Variants in PREPL observed in about 807,000 individuals in gnomAD.
The protein encoded by PREPL is prolyl endopeptidase like.
PREPL carries 77 observed loss-of-function variants against 70.6 expected under a neutral mutation model. The observed-to-expected ratio is 1.09, with a 90% CI of 0.91 to 1.32. The LOEUF is 1.32. PREPL is among the 40% of genes most tolerant of loss of function. The pLI, the probability that PREPL is intolerant of heterozygous loss-of-function variation, is 0.00. For synonymous variants in PREPL, 315 were observed against 264.8 expected, an observed-to-expected ratio of 1.19 and a Z score of -1.84; for missense variants, 1,002 against 778.2, an observed-to-expected ratio of 1.29 and a Z score of -3.42.
intron 1 of PREPL, among the ~76,000 whole-genome samples, chr2:44,350,364 T>TG (rs1676284578): frequency 6.6e-6 from 1 of 151,744 alleles, no homozygotes; most frequent in South Asian, 2.1e-4. Flanking sequence ...TTTTGATAAA[T>TG]GCAGGGAAAA....
intron 8 of PREPL, among the ~76,000 whole-genome samples, chr2:44,329,934 A>G (rs1028216517): frequency 6.6e-6 from 1 of 152,230 alleles, no homozygotes; most frequent in South Asian, 2.1e-4. Context: ...CGTTTACATA[A>G]AGAAAATAAA....
At chr2:44,346,432 G>GA (rs757835997) in intron 1 of PREPL, 42 bp from the exon 2 acceptor site, 17 of 1,587,128 alleles carry the variant, frequency 1.1e-5, no homozygotes, top group Admixed American at 1.8e-5. Flanking sequence ...TCAAACTAGG[G>GA]AAAAAAAACT....
At chr2:44,321,727 G>A (rs1409026494) in intron 13 of PREPL, 100 bp downstream of exon 13, 6 of 1,603,764 alleles carry the variant, frequency 3.7e-6, no homozygotes, top group African/African-American at 1.3e-5. Context: ...GGACATTTGT[G>A]AAGTGGCTTT....
At chr2:44,324,960 T>C (rs1673346920) in intron 10 of PREPL, among the ~76,000 whole-genome samples, 1 of 152,182 alleles carries the variant, frequency 6.6e-6, no homozygotes, top group South Asian at 2.1e-4. Flanking sequence ...GAAGGCTGTA[T>C]TTTTCACTTA....
chr2:44,346,496 A>C lies in PREPL; in HGVS notation c.-48-106T>G, dbSNP rs891916457. Reference sequence around the variant, plus strand: ...ACCGTAGACTTAACGTTGTACAAAAAAGAAATAAGATTAAATAGTAGGTAT... The same window carrying C: ...ACCGTAGACTTAACGTTGTACAAAACAGAAATAAGATTAAATAGTAGGTAT... On this transcript the variant is annotated intron_variant, in intron 1 of 13. Coordinates refer to ENST00000409411, the MANE Select transcript of PREPL (RefSeq NM_001171613.2). The C allele has an allele frequency of 7.1e-5, 70 of 991,720 alleles. 1 individual carries two copies. Among genetic ancestry groups the C allele is most frequent in the Non-Finnish European group, 1.0e-4 (66 of 660,750 alleles). 61.4% of individuals were successfully genotyped at this position (991,720 alleles called of 1,614,324 possible).
At chr2:44,345,123 A>G (rs1449642486) in intron 2 of PREPL, among the ~76,000 whole-genome samples, 2 of 152,220 alleles carry the variant, frequency 1.3e-5, no homozygotes, top group African/African-American at 4.8e-5. Flanking sequence ...TTTGAAATTG[A>G]GAGAATTAAT....
chr2:44,340,564 T>C (rs1318407762), intron 5 of PREPL, among the ~76,000 whole-genome samples: 1 of 152,178 alleles, frequency 6.6e-6, no homozygotes, highest in Admixed American at 6.5e-5. Context: ...TTATTTCTTT[T>C]GTGAAATGTG....
intron 1 of PREPL, among the ~76,000 whole-genome samples, chr2:44,352,848 A>G (rs1184356952): frequency 6.6e-6 from 1 of 152,254 alleles, no homozygotes; most frequent in Admixed American, 6.5e-5. Context: ...GGACACGTAA[A>G]GAAATCTTAT....
chr2:44,336,633 A>G (rs1674672606), intron 7 of PREPL, among the ~76,000 whole-genome samples: 1 of 152,200 alleles, frequency 6.6e-6, no homozygotes, highest in African/African-American at 2.4e-5. Context: ...CCTGTGGCAG[A>G]CAATTTATCT....
intron 1 of PREPL, among the ~76,000 whole-genome samples, chr2:44,350,964 G>C (rs1558516379): frequency 1.0e-5 from 1 of 98,266 alleles, no homozygotes; most frequent in Non-Finnish European, 2.8e-5. Flanking sequence ...CAACTCCCTG[G>C]CTTTTTTTTT....
chr2:44,335,497 C>T lies in PREPL; in HGVS notation c.889-2841G>A, dbSNP rs541118387. On this transcript the variant is annotated intron_variant, in intron 7 of 13. Coordinates refer to ENST00000409411, the MANE Select transcript of PREPL (RefSeq NM_001171613.2). ...CACCAGTTAACATGTAAATGGTTAG[C>T]CATAGGCAGAAGATTGAAAACTGGA... Among the ~76,000 whole-genome samples, 8 of 152,230 alleles carry T rather than the reference C, an allele frequency of 5.3e-5. No homozygotes were observed. The East Asian group carries it at 1.3e-3, about 26-fold the overall frequency.
chr2:44,340,500 T>A (rs1675095620), intron 5 of PREPL, among the ~76,000 whole-genome samples: 1 of 152,196 alleles, frequency 6.6e-6, no homozygotes, highest in Non-Finnish European at 1.5e-5. Context: ...CTGCTTATAG[T>A]TTGGTAAAAT....
chr2:44,342,765 A>C (rs1675368104), intron 4 of PREPL, among the ~76,000 whole-genome samples: 1 of 152,182 alleles, frequency 6.6e-6, no homozygotes, highest in South Asian at 2.1e-4. Flanking sequence ...CCAAGGTTTC[A>C]AGTAGTTATC....
At chr2:44,357,861 AAC>A (rs1382754951) in intron 1 of PREPL, among the ~76,000 whole-genome samples, 2 of 152,228 alleles carry the variant, frequency 1.3e-5, no homozygotes, top group Non-Finnish European at 2.9e-5. Context: ...ATGTACAAAA[AAC>A]ACAAAAATGA....
chr2:44,323,441 C>A, intron 10 of PREPL, 30 bp from the exon 11 acceptor site: 1 of 1,531,580 alleles, frequency 6.5e-7, no homozygotes, highest in Non-Finnish European at 8.9e-7. Context: ...ACTTATACTT[C>A]AAGTAAGAGG....
chr2:44,342,609 A>T, intron 4 of PREPL, 57 bp from the exon 5 acceptor site: 1 of 1,387,518 alleles, frequency 7.2e-7, no homozygotes, highest in Non-Finnish European at 9.9e-7. Flanking sequence ...TTAAAAAAAA[A>T]AAAAAAGCAC....
intron 1 of PREPL, among the ~76,000 whole-genome samples, chr2:44,356,580 A>T (rs1677072682): frequency 6.6e-6 from 1 of 152,068 alleles, no homozygotes; most frequent in Admixed American, 6.6e-5. Flanking sequence ...ACAGATGTGT[A>T]GGCCTCAACC....
At chr2:44,328,438 C>CAAAAAAAAA (rs1194898905) in intron 9 of PREPL, among the ~76,000 whole-genome samples, 11 of 61,154 alleles carry the variant, frequency 1.8e-4, no homozygotes, top group South Asian at 8.8e-4. Flanking sequence ...CTGTCTCAAA[C>CAAAAAAAAA]AAAAAAAAAA....
intron 7 of PREPL, among the ~76,000 whole-genome samples, chr2:44,335,624 T>C (rs1429674811): frequency 6.6e-6 from 1 of 152,044 alleles, no homozygotes; most frequent in African/African-American, 2.4e-5. Context: ...CTAGGAAATA[T>C]AATTCTACAG....
Sources: allele counts gnomAD v4.1 joint callset (sites outside exome capture counted in the v4.1 genomes callset), GRCh38; gene constraint gnomAD v4.1.1; transcripts MANE v1.5; gene names NCBI Gene and HGNC (gene_info 2026-07-23, HGNC 2026-07-21).